The following DZIP3 variants were observed in gnomAD, a reference collection of about 807,000 sequenced individuals.
DZIP3 encodes the protein DAZ interacting zinc finger protein 3.
In DZIP3, 118 loss-of-function variants were observed where a neutral mutation model predicts 162.0. The ratio of observed to expected loss-of-function variants is 0.73; its 90% CI spans 0.63 to 0.85. The LOEUF is 0.85. Among genes scored for constraint, DZIP3 ranks in the 40% least tolerant of loss-of-function variants. The pLI, the probability that DZIP3 is intolerant of heterozygous loss-of-function variation, is 0.00. For missense variants in DZIP3, 1,331 were observed against 1,407.0 expected (o/e 0.95, Z 0.86); for synonymous variants, 438 against 458.6 (o/e 0.96, Z 0.57).
chr3:108,655,755 A>C (rs1943083237), intron 19 of DZIP3, among the ~76,000 whole-genome samples: 1 of 152,172 alleles, frequency 6.6e-6, no homozygotes. Context: ...TAGCCAAGGA[A>C]AGGGTGACAG....
chr3:108,671,767 G>A (rs1328590237), intron 22 of DZIP3, among the ~76,000 whole-genome samples: 1 of 151,920 alleles, frequency 6.6e-6, no homozygotes, highest in East Asian at 1.9e-4. Flanking sequence ...TGCTTATTAT[G>A]TGCCAAACAC....
chr3:108,638,752 T>TA (rs146105292), intron 12 of DZIP3, among the ~76,000 whole-genome samples: 2,941 of 152,342 alleles, frequency 0.019, 86 homozygotes, highest in African/African-American at 0.063. Context: ...GCCTTTACTT[T>TA]ATCCAGTCTG....
intron 19 of DZIP3, among the ~76,000 whole-genome samples, chr3:108,661,274 G>A (rs1205220831): frequency 2.0e-5 from 3 of 152,168 alleles, no homozygotes; most frequent in African/African-American, 7.2e-5. Context: ...AGGAAATGTG[G>A]CACATATACA....
intron 4 of DZIP3, among the ~76,000 whole-genome samples, chr3:108,612,155 AG>A (rs1940747766): frequency 6.6e-6 from 1 of 152,144 alleles, no homozygotes. Flanking sequence ...AGTTTTCTGA[AG>A]TTAAAGAAAA....
intron 5 of DZIP3, among the ~76,000 whole-genome samples, chr3:108,616,908 T>G (rs886375087): frequency 1.3e-5 from 2 of 152,206 alleles, no homozygotes; most frequent in Admixed American, 1.3e-4. Context: ...TCTAGTCTCC[T>G]TCCCTACCAC....
intron 18 of DZIP3, 71 bp from the exon 19 acceptor site, chr3:108,654,074 T>C: frequency 3.3e-6 from 5 of 1,509,014 alleles, no homozygotes; most frequent in Non-Finnish European, 9.0e-7. Context: ...ATACTAACTT[T>C]GGAAGCAATA....
chr3:108,672,350 C>G (rs184846748), intron 22 of DZIP3, among the ~76,000 whole-genome samples: 5 of 151,938 alleles, frequency 3.3e-5, no homozygotes, highest in Admixed American at 2.6e-4. Context: ...TAAATCATAG[C>G]CTACACCCTG....
chr3:108,688,967 ATACTGCCT>A, intron 31 of DZIP3, 43 bp downstream of exon 31: 1 of 1,531,636 alleles, frequency 6.5e-7, no homozygotes, highest in Non-Finnish European at 9.0e-7. Context: ...AATGAGATTC[ATACTGCCT>A]TACTTATTAT....
At chr3:108,678,224 A>G (rs1220923766) in intron 26 of DZIP3, among the ~76,000 whole-genome samples, 2 of 151,748 alleles carry the variant, frequency 1.3e-5, no homozygotes, top group Non-Finnish European at 2.9e-5. Flanking sequence ...CAGAAAAACA[A>G]GCTTGGGGCT....
At chr3:108,634,081 A>T (rs1316000499) in intron 9 of DZIP3, among the ~76,000 whole-genome samples, 2 of 152,050 alleles carry the variant, frequency 1.3e-5, no homozygotes. Context: ...AATAACTGAT[A>T]TCTTAATTGC....
intron 21 of DZIP3, among the ~76,000 whole-genome samples, chr3:108,663,026 T>C (rs1357163799): frequency 6.6e-6 from 1 of 152,218 alleles, no homozygotes; most frequent in East Asian, 1.9e-4. Flanking sequence ...AGATATTTCT[T>C]ATAAATTGGG....
At chr3:108,654,342 T>A in intron 19 of DZIP3, 32 bp downstream of exon 19, 1 of 1,612,000 alleles carries the variant, frequency 6.2e-7, no homozygotes, top group African/African-American at 1.3e-5. Flanking sequence ...GCCTGCCTTC[T>A]CTTATTGTTA....
At chr3:108,657,637 C>A (rs555081483) in intron 19 of DZIP3, among the ~76,000 whole-genome samples, 154 of 152,244 alleles carry the variant, frequency 1.0e-3, no homozygotes, top group African/African-American at 3.6e-3. Context: ...TCACACATAA[C>A]AATATTAACC....
At chr3:108,666,900 CT>C (rs1943704287) in intron 21 of DZIP3, among the ~76,000 whole-genome samples, 1 of 152,008 alleles carries the variant, frequency 6.6e-6, no homozygotes, top group African/African-American at 2.4e-5. Context: ...GATTATAACA[CT>C]AAATACACAC....
chr3:108,661,434 A>G (rs767953914), intron 19 of DZIP3, among the ~76,000 whole-genome samples: 3 of 152,164 alleles, frequency 2.0e-5, no homozygotes, highest in Admixed American at 6.5e-5. Context: ...GAATTGAACA[A>G]TGAGAACACA....
intron 19 of DZIP3, among the ~76,000 whole-genome samples, chr3:108,657,541 A>C (rs1190793558): frequency 6.6e-6 from 1 of 152,224 alleles, no homozygotes; most frequent in Non-Finnish European, 1.5e-5. Context: ...AAACATGCCA[A>C]ATTGTAAAGA....
intron 4 of DZIP3, among the ~76,000 whole-genome samples, 196 bp downstream of exon 4, chr3:108,611,525 A>AGCCTTTTAAGAATAATG (rs1940707091): frequency 1.3e-5 from 2 of 152,182 alleles, no homozygotes; most frequent in Non-Finnish European, 2.9e-5. Flanking sequence ...ATTTGGTGCT[A>AGCCTTTTAAGAATAATG]GCCTTTTAAG....
rs1338560608 is a variant in DZIP3 at position 108,634,987 on chromosome 3, C to T, written c.918+15C>T. ...AAAATGATCAGGTATTATATTCGTT[C>T]TTAAAACTACAACAGCATTTCTTCC... is the stretch of plus-strand genomic sequence containing the variant. On this transcript the variant is annotated intron_variant, in intron 10 of 32. Transcript: ENST00000361582. The T allele has an allele frequency of 6.9e-7, 1 of 1,443,988 alleles. No individual in the cohort carries two copies. Among genetic ancestry groups the T allele is most frequent in the East Asian group, 2.4e-5 (1 of 41,456 alleles). The allele number at this position is 1,443,988 out of a possible 1,614,324, so 89.4% of individuals were successfully genotyped here. A position where few individuals can be genotyped will look rare whatever the true frequency, so the allele number is the denominator to read the frequency against.
intron 1 of DZIP3, among the ~76,000 whole-genome samples, chr3:108,600,545 A>G (rs561953806): frequency 1.2e-3 from 190 of 152,322 alleles, no homozygotes; most frequent in Non-Finnish European, 2.0e-3. Flanking sequence ...TATTTGAAAA[A>G]TAATTTTTTA....
Sources: gnomAD v4.1 joint callset for allele counts (sites outside exome capture counted in the v4.1 genomes callset) on GRCh38, gnomAD v4.1.1 for gene constraint, MANE v1.5 for transcripts, NCBI Gene and HGNC (gene_info 2026-07-23, HGNC 2026-07-21) for gene names.